The following CFAP54 variants were observed in gnomAD, a reference collection of about 807,000 sequenced individuals.
The protein encoded by CFAP54 is cilia and flagella associated protein 54.
A neutral mutation model predicts 370.4 loss-of-function variants in CFAP54; 290 were observed. That is an observed-to-expected ratio of 0.78 (90% CI 0.71 to 0.86). CFAP54 has a LOEUF of 0.86. Among genes scored for constraint, CFAP54 ranks in the 40% least tolerant of loss-of-function variants. The pLI, the probability that CFAP54 is intolerant of heterozygous loss-of-function variation, is 0.00. For missense variants in CFAP54, 3,399 were observed against 3,528.7 expected, an observed-to-expected ratio of 0.96 and a Z score of 0.93; for synonymous variants, 1,206 against 1,236.5, an observed-to-expected ratio of 0.98 and a Z score of 0.52.
chr12:96,803,734 A>C (rs1958848583), intron 63 of CFAP54, among the ~76,000 whole-genome samples: 1 of 152,200 alleles, frequency 6.6e-6, no homozygotes, highest in Non-Finnish European at 1.5e-5. Flanking sequence ...CCCTCAGGAA[A>C]AAATAATTGT....
intron 9 of CFAP54, among the ~76,000 whole-genome samples, chr12:96,530,344 G>A (rs1026478362): frequency 1.3e-5 from 2 of 152,210 alleles, no homozygotes; most frequent in African/African-American, 2.4e-5. Flanking sequence ...ACAAGAATTA[G>A]CCAGGCGTCA....
At chr12:96,549,848 G>A (rs1402300270) in intron 15 of CFAP54, among the ~76,000 whole-genome samples, 1 of 152,142 alleles carries the variant, frequency 6.6e-6, no homozygotes, top group East Asian at 1.9e-4. Context: ...CTCACTGAGG[G>A]GAATGGAGTT....
intron 17 of CFAP54, among the ~76,000 whole-genome samples, chr12:96,558,332 C>T (rs750146057): frequency 3.3e-5 from 5 of 152,132 alleles, no homozygotes; most frequent in African/African-American, 4.8e-5. Context: ...AGGGCATCCA[C>T]ATTGGAAAGT....
At chr12:96,527,111 G>A in intron 8 of CFAP54, 135 bp from the exon 9 acceptor site, 1 of 642,426 alleles carries the variant, frequency 1.6e-6, no homozygotes, top group South Asian at 3.3e-5. Context: ...TTGCCCAGGT[G>A]GTCTTGAACT....
At chr12:96,682,409 C>T in intron 40 of CFAP54, 1 of 723,838 alleles carries the variant, frequency 1.4e-6, no homozygotes, top group Non-Finnish European at 1.7e-6. Flanking sequence ...ATTTTGTCAT[C>T]CAGGCTGGAG....
intron 26 of CFAP54, among the ~76,000 whole-genome samples, chr12:96,614,806 A>G (rs1956398096): frequency 6.6e-6 from 1 of 152,160 alleles, no homozygotes; most frequent in African/African-American, 2.4e-5. Flanking sequence ...CTTACAAGGG[A>G]TGTGAAGGAC....
At chr12:96,592,993 C>T (rs1306275539) in intron 24 of CFAP54, among the ~76,000 whole-genome samples, 1 of 152,088 alleles carries the variant, frequency 6.6e-6, no homozygotes, top group Non-Finnish European at 1.5e-5. Flanking sequence ...TATGCCTAGA[C>T]AAATCTGTTA....
At chr12:96,567,298 C>T (rs1436221455) in intron 19 of CFAP54, among the ~76,000 whole-genome samples, 2 of 152,016 alleles carry the variant, frequency 1.3e-5, no homozygotes, top group Non-Finnish European at 2.9e-5. Flanking sequence ...CACGGGAGAC[C>T]AGAGAGGAAG....
At chr12:96,523,773 A>T (rs913068647) in intron 8 of CFAP54, among the ~76,000 whole-genome samples, 1 of 152,230 alleles carries the variant, frequency 6.6e-6, no homozygotes, top group Middle Eastern at 3.4e-3. Flanking sequence ...GTTACTTAGA[A>T]TATTATTAGG....
At position 96,492,994 on chromosome 12, in the gene CFAP54, CAA is replaced by C. The variant is rs11362891; in HGVS notation, c.317+3082_317+3083del. 1.8e-3 allele frequency among the ~76,000 whole-genome samples: 210 copies of C among 113,558 alleles called. 1 individual carries two copies. The highest frequency in any genetic ancestry group is 4.7e-3 in the African/African-American group (150 of 31,900). The allele number at this position is 113,558 out of a possible 152,430, so 74.5% of individuals were successfully genotyped here. A position where few individuals can be genotyped will look rare whatever the true frequency, so the allele number is the denominator to read the frequency against. On this transcript the variant is annotated intron_variant, in intron 1 of 67. Coordinates refer to ENST00000524981, the MANE Select transcript of CFAP54 (RefSeq NM_001306084.2). ...TGGATGACAGAATGAGACTCTGTCT[CAA>C]AAAAAAAAAAAAAGAGTTATTATCC...
intron 33 of CFAP54, among the ~76,000 whole-genome samples, chr12:96,644,743 A>C (rs1215253732): frequency 1.3e-5 from 2 of 152,140 alleles, no homozygotes; most frequent in African/African-American, 4.8e-5. Context: ...AAACGATCAG[A>C]TCTTGTGAGA....
chr12:96,787,179 A>AT (rs1285254077), intron 62 of CFAP54, among the ~76,000 whole-genome samples: 1 of 152,166 alleles, frequency 6.6e-6, no homozygotes, highest in Non-Finnish European at 1.5e-5. Context: ...TCAAGCAACC[A>AT]TTTTGCCAAA....
At chr12:96,587,845 T>G (rs1956088328) in intron 22 of CFAP54, among the ~76,000 whole-genome samples, 1 of 152,216 alleles carries the variant, frequency 6.6e-6, no homozygotes, top group Admixed American at 6.5e-5. Flanking sequence ...TTGAGTCATT[T>G]GATTAATGTA....
intron 27 of CFAP54, among the ~76,000 whole-genome samples, chr12:96,622,508 C>T (rs371788492): frequency 5.9e-5 from 9 of 152,172 alleles, no homozygotes; most frequent in East Asian, 5.8e-4. Flanking sequence ...TGACACCACA[C>T]CTGGCTAATT....
chr12:96,868,924 T>TATTA (rs1960078316), intron 67 of CFAP54, among the ~76,000 whole-genome samples: 1 of 152,188 alleles, frequency 6.6e-6, no homozygotes, highest in African/African-American at 2.4e-5. Context: ...GATGCATTGC[T>TATTA]GTTACTGATC....
chr12:96,821,805 T>C (rs1306833408), intron 65 of CFAP54, among the ~76,000 whole-genome samples: 1 of 151,980 alleles, frequency 6.6e-6, no homozygotes, highest in Non-Finnish European at 1.5e-5. Flanking sequence ...TGGAGCTAAT[T>C]AGAAGTTAAG....
chr12:96,568,109 A>G (rs1592854984), intron 19 of CFAP54, among the ~76,000 whole-genome samples: 1 of 141,772 alleles, frequency 7.1e-6, no homozygotes. Flanking sequence ...TATTTTTCCT[A>G]TTTTGTAGCA....
intron 2 of CFAP54, 116 bp downstream of exon 2, chr12:96,501,055 AT>A (rs1955020254): frequency 1.8e-6 from 1 of 569,706 alleles, no homozygotes; most frequent in Non-Finnish European, 2.9e-6. Flanking sequence ...TTAGAAAAAA[AT>A]AAATGAGTAC....
chr12:96,562,166 A>G (rs1565897402), intron 17 of CFAP54, among the ~76,000 whole-genome samples: 1 of 152,056 alleles, frequency 6.6e-6, no homozygotes, highest in Admixed American at 6.6e-5. Flanking sequence ...TCCTTCTCCC[A>G]TATTGAGCAT....
Sources: allele counts gnomAD v4.1 joint callset (sites outside exome capture counted in the v4.1 genomes callset), GRCh38; gene constraint gnomAD v4.1.1; transcripts MANE v1.5; gene names NCBI Gene and HGNC (gene_info 2026-07-23, HGNC 2026-07-21).